Variants in DYNC2H1 observed in about 807,000 individuals in gnomAD.
DYNC2H1 encodes the protein dynein cytoplasmic 2 heavy chain 1.
DYNC2H1 carries 410 observed loss-of-function variants against 570.0 expected under a neutral mutation model. The observed-to-expected ratio is 0.72, with a 90% CI of 0.66 to 0.78. The LOEUF (loss-of-function observed/expected upper bound fraction) is 0.78, where lower values mean the gene tolerates loss of function less well. Ranked by LOEUF, DYNC2H1 falls within the 30% of genes least tolerant of loss-of-function variation. DYNC2H1 has a pLI of 0.00. For synonymous variants in DYNC2H1, 1,688 were observed against 1,677.6 expected, an observed-to-expected ratio of 1.01 and a Z score of -0.15; for missense variants, 4,865 against 5,046.4, an observed-to-expected ratio of 0.96 and a Z score of 1.09.
intron 82 of DYNC2H1, among the ~76,000 whole-genome samples, chr11:103,348,425 A>T (rs1939865864): frequency 6.6e-6 from 1 of 152,118 alleles, no homozygotes; most frequent in Admixed American, 6.6e-5. Context: ...ATTACCCCCA[A>T]AAGTTTTCTC....
rs1032882567 is a variant in DYNC2H1, at chr11:103,446,788, G to C, written c.12457-8398G>C. 1.3e-5 allele frequency among the ~76,000 whole-genome samples: 2 copies of C among 152,076 alleles called. No individual in the cohort carries two copies. The highest frequency in any genetic ancestry group is 2.9e-5 in the Non-Finnish European group (2 of 68,006). The stretch of plus-strand genomic sequence containing the variant: ...AGGAGTAAAGTTCTTAAAAAGGCAA[G>C]AGGAAATAGGGCCCAATGCACATGT... On this transcript the variant is annotated intron_variant, in intron 85 of 88. Coordinates refer to ENST00000375735, the MANE Select transcript of DYNC2H1 (RefSeq NM_001377.3). The surrounding 1 kb of genome is among the most constrained non-coding windows in gnomAD (Gnocchi z 4.5).
At chr11:103,406,693 T>C (rs1371953677) in intron 84 of DYNC2H1, 1 of 152,022 alleles carries the variant, frequency 6.6e-6, no homozygotes, top group African/African-American at 2.4e-5. Flanking sequence ...ATTCAACCTA[T>C]ATGATTAATT....
chr11:103,344,521 C>A (rs1465545848), intron 82 of DYNC2H1, among the ~76,000 whole-genome samples: 1 of 152,176 alleles, frequency 6.6e-6, no homozygotes, highest in Non-Finnish European at 1.5e-5. Context: ...AGCCTTCATA[C>A]CTTCTGTTCC....
intron 84 of DYNC2H1, among the ~76,000 whole-genome samples, chr11:103,425,233 C>A (rs1053837918): frequency 6.6e-6 from 1 of 152,176 alleles, no homozygotes; most frequent in African/African-American, 2.4e-5. Flanking sequence ...CCACCTGGCC[C>A]AGCTTAAATA....
At chr11:103,117,446 G>A (rs1437332601) in intron 5 of DYNC2H1, among the ~76,000 whole-genome samples, 185 bp from the exon 6 acceptor site, 2 of 151,752 alleles carry the variant, frequency 1.3e-5, no homozygotes, top group African/African-American at 4.8e-5. Context: ...AAAGCAATAT[G>A]TATGTGTGAT....
At chr11:103,392,786 G>T (rs1942219810) in intron 83 of DYNC2H1, among the ~76,000 whole-genome samples, 1 of 151,678 alleles carries the variant, frequency 6.6e-6, no homozygotes, top group Non-Finnish European at 1.5e-5. Context: ...AAGTCTTCCT[G>T]TTGGTTTCCT....
chr11:103,386,467 C>CACACAAAA (rs1426916640), intron 83 of DYNC2H1, among the ~76,000 whole-genome samples: 1 of 151,946 alleles, frequency 6.6e-6, no homozygotes, highest in African/African-American at 2.4e-5. Flanking sequence ...CACACACACA[C>CACACAAAA]AAAAGTATTT....
chr11:103,423,053 G>A (rs779615976), intron 84 of DYNC2H1, among the ~76,000 whole-genome samples: 10 of 90,692 alleles, frequency 1.1e-4, no homozygotes, highest in South Asian at 4.3e-4. Context: ...ACTGTAGACC[G>A]TTTTATGAAA....
intron 82 of DYNC2H1, among the ~76,000 whole-genome samples, chr11:103,341,847 A>G (rs1030080509): frequency 6.6e-6 from 1 of 152,228 alleles, no homozygotes; most frequent in Non-Finnish European, 1.5e-5. Flanking sequence ...CTTGTAAACA[A>G]TAAGCTCTGC....
intron 65 of DYNC2H1, among the ~76,000 whole-genome samples, chr11:103,250,191 A>G (rs1397924047): frequency 6.6e-6 from 1 of 151,966 alleles, no homozygotes; most frequent in Admixed American, 6.6e-5. Context: ...CACATAATAT[A>G]TATTTTAAAT....
chr11:103,376,377 G>T (rs948375577), intron 83 of DYNC2H1, among the ~76,000 whole-genome samples: 1 of 152,140 alleles, frequency 6.6e-6, no homozygotes, highest in African/African-American at 2.4e-5. Context: ...TTGTTTTTTA[G>T]ATCTTTGGTC....
chr11:103,200,351 T>C lies in DYNC2H1; in HGVS notation c.8197+197T>C, dbSNP rs183981775. Among the ~76,000 whole-genome samples the C allele has an allele frequency of 2.0e-4, 30 of 152,278 alleles. No homozygotes were observed. In the East Asian group the frequency reaches 5.6e-3, roughly 28 times the overall value. ...TATAAAACCAATAATTTAAGACATA[T>C]AAAAATTGTTAATATTGAGTATTGG... is the stretch of plus-strand genomic sequence containing the variant. On this transcript the variant is annotated intron_variant, in intron 50 of 88. Coordinates refer to ENST00000375735, the MANE Select transcript of DYNC2H1 (RefSeq NM_001377.3).
chr11:103,391,391 CA>C, intron 83 of DYNC2H1, among the ~76,000 whole-genome samples: 1 of 152,254 alleles, frequency 6.6e-6, no homozygotes, highest in East Asian at 1.9e-4. Context: ...TTTAGTTAGC[CA>C]TTCATCTAAT....
intron 67 of DYNC2H1, 78 bp downstream of exon 67, chr11:103,255,612 T>G: frequency 7.1e-7 from 1 of 1,405,900 alleles, no homozygotes; most frequent in Non-Finnish European, 9.4e-7. Context: ...GTTTGGAAAA[T>G]TAATAGTATC....
intron 83 of DYNC2H1, among the ~76,000 whole-genome samples, chr11:103,372,203 T>C (rs1252767048): frequency 2.6e-5 from 4 of 151,870 alleles, no homozygotes; most frequent in African/African-American, 9.7e-5. Flanking sequence ...CTAATTTTTG[T>C]ATTTCTAGTT....
intron 70 of DYNC2H1, among the ~76,000 whole-genome samples, chr11:103,270,926 A>G (rs529669243): frequency 6.6e-6 from 1 of 152,300 alleles, no homozygotes; most frequent in South Asian, 2.1e-4. Context: ...CTTGGAATTA[A>G]TATCTTAGAT....
chr11:103,185,512 T>C lies in DYNC2H1; in HGVS notation c.6633+461T>C, dbSNP rs546851478. On this transcript the variant is annotated intron_variant, in intron 41 of 88. Coordinates refer to ENST00000375735, the MANE Select transcript of DYNC2H1 (RefSeq NM_001377.3). The surrounding 1 kb of genome is among the most constrained non-coding windows in gnomAD (Gnocchi z 4.5). ...TCAAGTTGTTTATAAAGCTGAATTCTAAATAATAAGTGATTTTTTTTCCAA... is the reference window on the plus strand; with the variant it reads ...TCAAGTTGTTTATAAAGCTGAATTCCAAATAATAAGTGATTTTTTTTCCAA... 7.9e-5 allele frequency among the ~76,000 whole-genome samples: 12 copies of C among 152,088 alleles called. No individual in the cohort carries two copies. The highest frequency in any genetic ancestry group is 2.9e-4 in the African/African-American group (12 of 41,558).
chr11:103,400,923 TAATC>T (rs1227362460), intron 84 of DYNC2H1, among the ~76,000 whole-genome samples: 1 of 152,218 alleles, frequency 6.6e-6, no homozygotes, highest in African/African-American at 2.4e-5. Context: ...CCGTCTCTGT[TAATC>T]AACCATGATT....
chr11:103,368,470 C>T (rs1941009616), intron 83 of DYNC2H1, among the ~76,000 whole-genome samples: 1 of 151,604 alleles, frequency 6.6e-6, no homozygotes, highest in African/African-American at 2.4e-5. Context: ...GAGGTAATTT[C>T]CTTTTACATT....
Sources: gnomAD v4.1 joint callset for allele counts (sites outside exome capture counted in the v4.1 genomes callset) on GRCh38, gnomAD v4.1.1 for gene constraint, Gnocchi (gnomAD v3.1) non-coding constraint, MANE v1.5 for transcripts, NCBI Gene and HGNC (gene_info 2026-07-23, HGNC 2026-07-21) for gene names.